CSNK2A1: variants seen among roughly 807,000 people sequenced by gnomAD.
CSNK2A1 encodes casein kinase II subunit alpha.
CSNK2A1 carries 10 observed loss-of-function variants against 62.9 expected under a neutral mutation model. The observed-to-expected ratio is 0.16, with a 90% confidence interval of 0.10 to 0.27. The LOEUF (loss-of-function observed/expected upper bound fraction) is 0.27, where lower values mean the gene tolerates loss of function less well. Among genes scored for constraint, CSNK2A1 ranks in the 10% least tolerant of loss-of-function variants. The probability of loss-of-function intolerance (pLI) is 1.00; values close to 1 mark genes in which losing one functional copy is unlikely to be tolerated. For missense variants in CSNK2A1, 160 were observed against 492.0 expected (o/e 0.33, Z 6.38); for synonymous variants, 124 against 167.8 (o/e 0.74, Z 2.02).
rs868351306 is a variant in CSNK2A1 at position 543,706 on chromosome 20, C to T, written c.-261G>A. 8.2e-4 allele frequency: 325 copies of T among 398,460 alleles called. 2 individuals carry two copies. Among genetic ancestry groups the T allele is most frequent in the African/African-American group, 5.9e-3 (289 of 48,760 alleles). The allele number at this position is 398,460 out of a possible 1,614,324, so 24.7% of individuals were successfully genotyped here. On this transcript the variant is annotated 5_prime_UTR_variant, in exon 1 of 14. Transcript: ENST00000217244. ...AAGCGGCAGCGGCGGCGGCCGCTCT[C>T]CCCTCTGCTCACACAGACAATATGG...
intron 9 of CSNK2A1, among the ~76,000 whole-genome samples, chr20:490,560 C>T (rs1361780578): frequency 1.1e-4 from 17 of 150,388 alleles, no homozygotes; most frequent in African/African-American, 2.7e-4. Context: ...CCCACCACCG[C>T]GCCTGGCTAA....
chr20:532,999 TTC>T (rs1568567238), intron 1 of CSNK2A1, among the ~76,000 whole-genome samples: 1 of 152,224 alleles, frequency 6.6e-6, no homozygotes, highest in African/African-American at 2.4e-5. Context: ...TTCATATTGA[TTC>T]TCTTTTCCCA....
intron 9 of CSNK2A1, among the ~76,000 whole-genome samples, chr20:491,125 A>T (rs757611056): frequency 6.6e-6 from 1 of 152,208 alleles, no homozygotes; most frequent in South Asian, 2.1e-4. Context: ...AATTCCTACA[A>T]GAACAAAAAG....
At chr20:539,658 G>C (rs1445354809) in intron 1 of CSNK2A1, 1 of 152,116 alleles carries the variant, frequency 6.6e-6, no homozygotes, top group Non-Finnish European at 1.5e-5. Flanking sequence ...AAATCGTAGG[G>C]GAGCCATTCT....
intron 7 of CSNK2A1, chr20:496,507 T>TTC (rs1481267916): frequency 1.3e-5 from 2 of 152,224 alleles, no homozygotes; most frequent in African/African-American, 4.8e-5. Context: ...ATCCCAGCCT[T>TTC]TCAGTCAGCC....
rs1418118315 is a variant in CSNK2A1 at position 482,086 on chromosome 20, A to G, written c.*1875T>C. The G allele has an allele frequency of 1.3e-5, 2 of 152,202 alleles. No individual in the cohort carries two copies. Among genetic ancestry groups the G allele is most frequent in the African/African-American group, 4.8e-5 (2 of 41,448 alleles). The allele number at this position is 152,202 out of a possible 1,614,324, so 9.4% of individuals were successfully genotyped here. On this transcript the variant is annotated 3_prime_UTR_variant, in exon 14 of 14. Transcript: ENST00000217244. ...TATTCACTAAAGCCACCACCTTGAT[A>G]AAGTTACTAAAGCCAAGATGGGTTA...
chr20:496,608 A>C (rs1837249985), intron 7 of CSNK2A1: 2 of 152,176 alleles, frequency 1.3e-5, no homozygotes, highest in African/African-American at 4.8e-5. Context: ...TAACTTTCTA[A>C]AGCCTTGCTT....
At chr20:533,865 C>A (rs752820688) in intron 1 of CSNK2A1, among the ~76,000 whole-genome samples, 3 of 152,098 alleles carry the variant, frequency 2.0e-5, no homozygotes, top group Admixed American at 6.6e-5. Context: ...ATAGTTCTAC[C>A]CCAAACACCT....
intron 12 of CSNK2A1, 40 bp from the exon 13 acceptor site, chr20:486,502 A>C (rs528338249): frequency 6.2e-7 from 1 of 1,609,198 alleles, no homozygotes; most frequent in Non-Finnish European, 8.5e-7. Flanking sequence ...GTTTTGCTTG[A>C]AAGATTAAAC....
chr20:514,658 T>C (rs1047703769), intron 2 of CSNK2A1, among the ~76,000 whole-genome samples: 14 of 152,112 alleles, frequency 9.2e-5, no homozygotes, highest in African/African-American at 3.4e-4. Flanking sequence ...CCCAGGCTGG[T>C]CTCAAACTCC....
intron 1 of CSNK2A1, among the ~76,000 whole-genome samples, chr20:535,483 C>T (rs1013873278): frequency 1.4e-4 from 21 of 151,710 alleles, no homozygotes; most frequent in South Asian, 2.1e-4. Flanking sequence ...TGGCCGGGCG[C>T]GGTGGCTCAC....
At chr20:516,399 C>T (rs2122593913) in intron 2 of CSNK2A1, among the ~76,000 whole-genome samples, 1 of 152,218 alleles carries the variant, frequency 6.6e-6, no homozygotes, top group East Asian at 1.9e-4. Flanking sequence ...ATGAATTTTT[C>T]CCGACTGAAG....
chr20:535,557 G>C (rs1224651995), intron 1 of CSNK2A1, among the ~76,000 whole-genome samples: 1 of 151,866 alleles, frequency 6.6e-6, no homozygotes, highest in African/African-American at 2.4e-5. Flanking sequence ...GGAGTTTGAG[G>C]CCAGCGTGGC....
At chr20:497,855 C>G in intron 6 of CSNK2A1, 75 bp from the exon 7 acceptor site, 1 of 1,333,382 alleles carries the variant, frequency 7.5e-7, no homozygotes, top group South Asian at 1.2e-5. Flanking sequence ...CACAGTAATT[C>G]AAACCAAGAC....
rs1222579368 is a variant in CSNK2A1 at position 499,038 on chromosome 20, T to C, written c.366+217A>G. 1.8e-5 allele frequency: 6 copies of C among 328,692 alleles called. No homozygotes were observed. The Admixed American group carries it at 2.0e-4, about 11-fold the overall frequency. 20.4% of individuals were successfully genotyped at this position (328,692 alleles called of 1,614,324 possible). A position where few individuals can be genotyped will look rare whatever the true frequency, so the allele number is the denominator to read the frequency against. On this transcript the variant is annotated intron_variant, in intron 6 of 13. Transcript: ENST00000217244. This position sits in a 1 kb window ranked among gnomAD's most constrained non-coding sequence, Gnocchi z 4.2. ...AACTAAGTAGTGAGAAGTCAATGTG[T>C]TGGTCATTAAAAAGAACATTAAACA...
intron 9 of CSNK2A1, 29 bp downstream of exon 9, chr20:492,225 C>CAA: frequency 6.3e-7 from 1 of 1,583,806 alleles, no homozygotes; most frequent in Non-Finnish European, 8.6e-7. Context: ...AACACAGGAT[C>CAA]AAAACTGTGC....
At chr20:520,797 A>C (rs949274536) in intron 2 of CSNK2A1, among the ~76,000 whole-genome samples, 1 of 152,170 alleles carries the variant, frequency 6.6e-6, no homozygotes, top group Non-Finnish European at 1.5e-5. Context: ...TCTTTTCTAT[A>C]AATTGTTTTG....
At chr20:523,708 G>A (rs548091439) in intron 2 of CSNK2A1, among the ~76,000 whole-genome samples, 3 of 151,824 alleles carry the variant, frequency 2.0e-5, no homozygotes, top group Non-Finnish European at 4.4e-5. Flanking sequence ...TGGCTAACAC[G>A]GTGAAACCCC....
rs570137033 is a variant in CSNK2A1 at position 512,144 on chromosome 20, C to T, written c.-109-3484G>A. Among the ~76,000 whole-genome samples the T allele has an allele frequency of 2.0e-5, 3 of 152,044 alleles. No homozygotes were observed. In the East Asian group the frequency reaches 5.8e-4, roughly 29 times the overall value. On this transcript the variant is annotated intron_variant, in intron 2 of 13. Transcript: ENST00000217244. ...CCTCAAGGGATCCTCCCACCTCGGC[C>T]TCCCAAAGTGCTCTCAAAATAGACT...
Sources: gnomAD v4.1 joint callset for allele counts (sites outside exome capture counted in the v4.1 genomes callset) on GRCh38, gnomAD v4.1.1 for gene constraint, Gnocchi (gnomAD v3.1) non-coding constraint, MANE v1.5 for transcripts, NCBI Gene and HGNC (gene_info 2026-07-23, HGNC 2026-07-21) for gene names.